Variants in CCDC7 observed in about 807,000 individuals in gnomAD.
CCDC7 encodes the protein coiled-coil domain containing 7, also known as coiled-coil domain-containing protein 7.
In CCDC7, 183 loss-of-function variants were observed where a neutral mutation model predicts 196.9. The ratio of observed to expected loss-of-function variants is 0.93; its 90% CI spans 0.82 to 1.05. CCDC7 has a LOEUF of 1.05. Among genes scored for constraint, CCDC7 ranks in the 50% least tolerant of loss-of-function variants. CCDC7 has a pLI of 0.00. For synonymous variants in CCDC7, 525 were observed against 484.6 expected (o/e 1.08, Z -1.10); for missense variants, 1,540 against 1,482.2 (o/e 1.04, Z -0.64).
intron 18 of CCDC7, among the ~76,000 whole-genome samples, chr10:32,620,706 G>C (rs58339739): frequency 0.086 from 13,060 of 152,206 alleles, 882 homozygotes; most frequent in South Asian, 0.25. Context: ...AATCCATCCT[G>C]TGTTTAGCAG....
At chr10:32,726,685 T>G in intron 25 of CCDC7, 49 bp from the exon 27 acceptor site, 1 of 1,091,916 alleles carries the variant, frequency 9.2e-7, no homozygotes, top group Non-Finnish European at 1.4e-6. Context: ...TAGATTTGTT[T>G]TTTCATTTAG....
In CCDC7 at chr10:32,460,799, C is replaced by A. The variant is rs139249035; in HGVS notation, c.457-1884C>A. Among the ~76,000 whole-genome samples, 1,097 of 152,246 alleles carry A rather than the reference C, an allele frequency of 7.2e-3. 14 individuals carry two copies. Among genetic ancestry groups the A allele is most frequent in the African/African-American group, 0.025 (1,043 of 41,530 alleles). On this transcript the variant is annotated intron_variant, in intron 3 of 41. Transcript: ENST00000639629. ...AAGCAATCACCTGCAGGTCTAGTTA[C>A]AACACAAATTGTTAGTCCCACTTCT...
intron 21 of CCDC7, among the ~76,000 whole-genome samples, chr10:32,675,207 CT>C (rs1459785020): frequency 6.6e-6 from 1 of 151,974 alleles, no homozygotes; most frequent in African/African-American, 2.4e-5. Context: ...GATTTGATTA[CT>C]TTTTATAATG....
intron 18 of CCDC7, among the ~76,000 whole-genome samples, chr10:32,594,987 C>T (rs2060170954): frequency 1.3e-5 from 2 of 152,152 alleles, no homozygotes; most frequent in Non-Finnish European, 2.9e-5. Flanking sequence ...CAACGTTCAT[C>T]AGGGATATTG....
Position 32,539,464 on chromosome 10 carries a change from A to G in CCDC7, c.994-3836A>G, listed in dbSNP as rs1012707728. Among the ~76,000 whole-genome samples the G allele has an allele frequency of 3.3e-5, 5 of 151,568 alleles. No homozygotes were observed. The South Asian group carries it at 6.3e-4, about 19-fold the overall frequency. Reference sequence around the variant, plus strand: ...GTGGTCTATCTTATTATTTTTTTTTATAAAACCAATTTCTGGATCTGTTGA... The same window carrying G: ...GTGGTCTATCTTATTATTTTTTTTTGTAAAACCAATTTCTGGATCTGTTGA... On this transcript the variant is annotated intron_variant, in intron 11 of 41. Transcript: ENST00000639629.
upstream of CCDC7, among the ~76,000 whole-genome samples, chr10:32,444,266 A>G (rs778977918): frequency 2.0e-5 from 3 of 152,228 alleles, no homozygotes; most frequent in Non-Finnish European, 4.4e-5. Context: ...CTCTCTATTC[A>G]TAAGTATTGT....
At chr10:32,809,302 A>G (rs1227896589) in intron 30 of CCDC7, among the ~76,000 whole-genome samples, 1 of 152,232 alleles carries the variant, frequency 6.6e-6, no homozygotes, top group Non-Finnish European at 1.5e-5. Context: ...AATGAGGTAG[A>G]AGAGAACACA....
chr10:32,501,635 C>G (rs1386940618), intron 9 of CCDC7, among the ~76,000 whole-genome samples: 3 of 152,176 alleles, frequency 2.0e-5, no homozygotes, highest in African/African-American at 7.2e-5. Flanking sequence ...GAGGTCCACT[C>G]CAGACCCTGT....
chr10:32,533,613 AT>A (rs2050031916), intron 11 of CCDC7, among the ~76,000 whole-genome samples: 1 of 151,618 alleles, frequency 6.6e-6, no homozygotes, highest in Non-Finnish European at 1.5e-5. Flanking sequence ...TCTCAGCTTT[AT>A]TTTGTCTGGA....
chr10:32,780,401 A>G (rs1253706953), intron 29 of CCDC7, among the ~76,000 whole-genome samples: 1 of 152,206 alleles, frequency 6.6e-6, no homozygotes, highest in Admixed American at 6.5e-5. Flanking sequence ...TTGTATCTAT[A>G]ATACTCAAAA....
At chr10:32,532,073 A>G (rs759848626) in intron 11 of CCDC7, among the ~76,000 whole-genome samples, 25 of 151,546 alleles carry the variant, frequency 1.6e-4, no homozygotes, top group Non-Finnish European at 3.2e-4. Context: ...CTTTTCTTCT[A>G]CTTATTTTGG....
intron 5 of CCDC7, among the ~76,000 whole-genome samples, chr10:32,463,608 G>C (rs1030682485): frequency 2.0e-5 from 3 of 152,234 alleles, no homozygotes; most frequent in African/African-American, 7.2e-5. Context: ...TTCCAGGGTA[G>C]CTTTACTGAT....
chr10:32,572,706 G>T (rs12146353), intron 16 of CCDC7, among the ~76,000 whole-genome samples: 3 of 151,832 alleles, frequency 2.0e-5, no homozygotes, highest in Middle Eastern at 3.4e-3. Flanking sequence ...ACTTATAATG[G>T]TTGGTTTCTT....
intron 30 of CCDC7, among the ~76,000 whole-genome samples, chr10:32,809,068 G>A: frequency 6.6e-6 from 1 of 152,124 alleles, no homozygotes. Context: ...ATCATAGATA[G>A]CATCTTCAGG....
chr10:32,587,434 C>A (rs574007375), intron 18 of CCDC7, among the ~76,000 whole-genome samples: 1 of 152,226 alleles, frequency 6.6e-6, no homozygotes, highest in South Asian at 2.1e-4. Context: ...AACTCGGGAG[C>A]CTACTTTGTG....
intron 13 of CCDC7, among the ~76,000 whole-genome samples, chr10:32,557,479 A>G (rs913819475): frequency 2.0e-5 from 3 of 152,084 alleles, no homozygotes; most frequent in African/African-American, 7.2e-5. Flanking sequence ...ATACAATTAT[A>G]TATTAGACAT....
At chr10:32,556,480 G>A (rs1385946082) in intron 13 of CCDC7, among the ~76,000 whole-genome samples, 1 of 152,028 alleles carries the variant, frequency 6.6e-6, no homozygotes, top group Non-Finnish European at 1.5e-5. Flanking sequence ...TATCAAGGGA[G>A]TTTTCTTATT....
At chr10:32,490,722 C>T (rs187828623) in intron 8 of CCDC7, among the ~76,000 whole-genome samples, 45 of 151,896 alleles carry the variant, frequency 3.0e-4, no homozygotes, top group East Asian at 2.7e-3. Context: ...GCAGTGAACC[C>T]GGGAGGCAGA....
chr10:32,532,924 G>A (rs1322934768), intron 11 of CCDC7, among the ~76,000 whole-genome samples: 2 of 151,804 alleles, frequency 1.3e-5, no homozygotes, highest in African/African-American at 4.8e-5. Flanking sequence ...GCCACTCTAT[G>A]GGTTTTAATT....
Sources: allele counts gnomAD v4.1 joint callset (sites outside exome capture counted in the v4.1 genomes callset), GRCh38; gene constraint gnomAD v4.1.1; transcripts MANE v1.5; gene names NCBI Gene and HGNC (gene_info 2026-07-23, HGNC 2026-07-21).